The following SYNE1 variants were observed in gnomAD, a reference collection of about 807,000 sequenced individuals.
The protein encoded by SYNE1 is spectrin repeat containing nuclear envelope protein 1, also known as nesprin-1.
A neutral mutation model predicts 1,111.0 loss-of-function variants in SYNE1; 616 were observed. The observed-to-expected ratio is 0.55, with a 90% CI of 0.52 to 0.59. SYNE1 has a LOEUF of 0.59. Among genes scored for constraint, SYNE1 ranks in the 20% least tolerant of loss-of-function variants. The pLI, the probability that SYNE1 is intolerant of heterozygous loss-of-function variation, is 0.00. For missense variants in SYNE1, 10,006 were observed against 10,417.0 expected (o/e 0.96, Z 1.72); for synonymous variants, 3,855 against 3,825.8 (o/e 1.01, Z -0.28).
chr6:152,315,234 C>T (rs1322596059), intron 87 of SYNE1: 1 of 124,396 alleles, frequency 8.0e-6, no homozygotes, highest in African/African-American at 3.0e-5. Context: ...GATGGAGTCT[C>T]ACTGTCACCC....
At chr6:152,528,469 A>G (rs982045262) in intron 4 of SYNE1, among the ~76,000 whole-genome samples, 3 of 152,264 alleles carry the variant, frequency 2.0e-5, no homozygotes, top group Admixed American at 1.3e-4. Context: ...GACCTTTACT[A>G]TGATGACTAC....
intron 104 of SYNE1, 61 bp from the exon 105 acceptor site, chr6:152,249,323 A>G: frequency 1.1e-6 from 1 of 918,012 alleles, no homozygotes. Context: ...AATACTTGTA[A>G]ATATAACACA....
At chr6:152,493,283 C>T (rs975298911) in intron 11 of SYNE1, among the ~76,000 whole-genome samples, 2 of 152,014 alleles carry the variant, frequency 1.3e-5, no homozygotes, top group Admixed American at 6.5e-5. Context: ...CTATCCACCC[C>T]GTGGTGCCAA....
In SYNE1 at chr6:152,390,389, G is replaced by A. The variant is rs1424284351; in HGVS notation, c.8068C>T (p.Gln2690Ter). 1.2e-6 allele frequency: 2 copies of A among 1,613,986 alleles called. No individual in the cohort carries two copies. Among genetic ancestry groups the A allele is most frequent in the Non-Finnish European group, 1.7e-6 (2 of 1,180,010 alleles). Residue 2690 changes from glutamine to a stop codon, truncating the protein, a stop_gained, in exon 53 of 146, where the codon CAG (glutamine) becomes TAG (stop). Coordinates refer to ENST00000367255, the MANE Select transcript of SYNE1 (RefSeq NM_182961.4). LOFTEE classifies it high-confidence loss of function. ...TCTTTGTTGCTACTTCTCAAGGCCTGTTCCCCCTTGCCAATGGCCATATTC... is the reference window on the plus strand; with the variant it reads ...TCTTTGTTGCTACTTCTCAAGGCCTATTCCCCCTTGCCAATGGCCATATTC... ...KLNMAIGKGE[Q>*]ALRSSNKEGQ...
chr6:152,381,449 T>A, intron 55 of SYNE1, 87 bp from the exon 56 acceptor site: 1 of 1,390,590 alleles, frequency 7.2e-7, no homozygotes, highest in Non-Finnish European at 1.0e-6. Flanking sequence ...GGGGACCCTG[T>A]CCTGCCAGGA....
At chr6:152,379,442 T>C (rs775445475) in intron 56 of SYNE1, among the ~76,000 whole-genome samples, 23 of 152,164 alleles carry the variant, frequency 1.5e-4, no homozygotes, top group Non-Finnish European at 3.1e-4. Context: ...TTGAGTATTG[T>C]CATCTAATTG....
At chr6:152,129,570 C>G (rs2054765766) in intron 145 of SYNE1, 1 of 145,598 alleles carries the variant, frequency 6.9e-6, no homozygotes. Context: ...AAAAAAAAAA[C>G]TCATAAAATT....
chr6:152,621,905 C>T (rs1262081844), intron 3 of SYNE1, among the ~76,000 whole-genome samples: 2 of 152,004 alleles, frequency 1.3e-5, no homozygotes, highest in African/African-American at 2.4e-5. Context: ...AAAAACCACT[C>T]GATTAAAACA....
At chr6:152,379,403 T>C (rs2097355989) in intron 56 of SYNE1, among the ~76,000 whole-genome samples, 1 of 152,110 alleles carries the variant, frequency 6.6e-6, no homozygotes. Flanking sequence ...ACTTTATAGA[T>C]CATCTGTTTT....
intron 6 of SYNE1, among the ~76,000 whole-genome samples, chr6:152,513,495 G>A (rs145383262): frequency 0.049 from 7,462 of 152,034 alleles, 245 homozygotes; most frequent in Non-Finnish European, 0.067. Flanking sequence ...CACCACACCC[G>A]GCTAATTTTT....
Position 152,148,270 on chromosome 6 carries a change from G to A in SYNE1, c.24751C>T (p.Pro8251Ser), listed in dbSNP as rs1398442733. The change falls in exon 137 of 146, where the codon CCA (proline) becomes TCA (serine). Residue 8251 changes from proline (P) to serine (S), a missense_variant. Around this residue, in one of 7 missense-constraint regions of SYNE1, gnomAD observed 761 missense variants for 795.5 expected, o/e 0.96. Coordinates refer to ENST00000367255, the MANE Select transcript of SYNE1 (RefSeq NM_182961.4). The surrounding 1 kb of genome is among the most constrained non-coding windows in gnomAD (Gnocchi z 4.1). Reference protein sequence around the residue: ...HDRSADSLLSPQPSSNLSLSL... With the variant: ...HDRSADSLLSSQPSSNLSLSL... Reference sequence around the variant, plus strand: ...AGGGAGAGATTGGAGGAAGGCTGTGGAGAAAGCAGGCTGTCTGCAGAGCGG... The same window carrying A: ...AGGGAGAGATTGGAGGAAGGCTGTGAAGAAAGCAGGCTGTCTGCAGAGCGG... 1 of 1,613,532 alleles carries A rather than the reference G, an allele frequency of 6.2e-7. No homozygotes were observed. Among genetic ancestry groups the A allele is most frequent in the East Asian group, 2.2e-5 (1 of 44,874 alleles).
intron 130 of SYNE1, among the ~76,000 whole-genome samples, chr6:152,171,080 G>A (rs1262863273): frequency 2.0e-5 from 3 of 152,182 alleles, no homozygotes; most frequent in African/African-American, 7.2e-5. Context: ...GGAACTGTGA[G>A]TCCATTAAAC....
chr6:152,484,848 C>T lies in SYNE1; in HGVS notation c.1172G>A (p.Arg391Lys). 6.2e-7 allele frequency: 1 copy of T among 1,613,946 alleles called. No homozygotes were observed. Among genetic ancestry groups the T allele is most frequent in the Non-Finnish European group, 8.5e-7 (1 of 1,179,946 alleles). The change falls in exon 13 of 146, where the codon AGA (arginine) becomes AAA (lysine). Residue 391 changes from arginine (R) to lysine (K), a missense_variant. By Grantham distance (26) the Arg-to-Lys change is conservative (BLOSUM62 2). Around this residue, in one of 7 missense-constraint regions of SYNE1, gnomAD observed 1,971 missense variants for 2,084.1 expected, o/e 0.95. Transcript: ENST00000367255. ...DQALVKQSWD[R>K]VTSRLFDWHI... ...GGGAGAACTTACCCTGGAGGTCACT[C>T]TATCCCAAGATTGTTTTACCAATGC...
chr6:152,218,271 T>A lies in SYNE1; in HGVS notation c.22177A>T (p.Met7393Leu). Residue 7393 changes from methionine (M) to leucine (L), a missense_variant, in exon 121 of 146, where the codon ATG (methionine) becomes TTG (leucine). Around this residue, in one of 7 missense-constraint regions of SYNE1, gnomAD observed 2,182 missense variants for 2,287.8 expected, o/e 0.95. Coordinates refer to ENST00000367255, the MANE Select transcript of SYNE1 (RefSeq NM_182961.4). ...AACACACTTACCTTAAGTTCTTCCA[T>A]CCTTTCCTGGATTGTGGAGAGGTCA... is the stretch of plus-strand genomic sequence containing the variant. The part of the protein sequence containing the change: ...SSDLSTIQER[M>L]EELKGQMLKF... 3 of 1,614,112 alleles carry A rather than the reference T, an allele frequency of 1.9e-6. No individual in the cohort carries two copies. The highest frequency in any genetic ancestry group is 2.5e-6 in the Non-Finnish European group (3 of 1,179,986).
Position 152,329,928 on chromosome 6 carries a change from G to A in SYNE1, c.14757C>T (p.Asp4919=), listed in dbSNP as rs1387323639. The A allele has an allele frequency of 6.2e-7, 1 of 1,614,022 alleles. No individual in the cohort carries two copies. The highest frequency in any genetic ancestry group is 1.1e-5 in the South Asian group (1 of 91,086). Residue 4919 remains aspartate (D), a synonymous_variant, in exon 78 of 146, where the codon GAC becomes GAT. Coordinates refer to ENST00000367255, the MANE Select transcript of SYNE1 (RefSeq NM_182961.4). ...GGATTTTTCTGATTTCCTCTTGGAT[G>A]TCCTGCAGGTTGAGGTCTAGGTACA... ...GPVYLDLNLQ[D]IQEEIRKIQI... is the part of the protein sequence containing the mutation.
chr6:152,250,200 G>A (rs2153596149), intron 104 of SYNE1, among the ~76,000 whole-genome samples: 1 of 151,820 alleles, frequency 6.6e-6, no homozygotes, highest in East Asian at 1.9e-4. Context: ...GGAGTTTGAG[G>A]TTGAAGTGAG....
intron 117 of SYNE1, among the ~76,000 whole-genome samples, chr6:152,223,059 C>T (rs772955059): frequency 5.5e-4 from 83 of 152,124 alleles, no homozygotes; most frequent in Non-Finnish European, 5.3e-4. Flanking sequence ...CTGTTTAACA[C>T]CAATATCTGA....
At chr6:152,228,291 A>G (rs1173209098) in intron 115 of SYNE1, among the ~76,000 whole-genome samples, 3 of 152,188 alleles carry the variant, frequency 2.0e-5, no homozygotes, top group Non-Finnish European at 4.4e-5. Context: ...TTCATTTGAA[A>G]TCATGAACCG....
At chr6:152,251,533 C>T (rs1243926225) in intron 104 of SYNE1, among the ~76,000 whole-genome samples, 13 of 151,526 alleles carry the variant, frequency 8.6e-5, no homozygotes, top group Non-Finnish European at 1.3e-4. Flanking sequence ...CCGAGGCGGG[C>T]GGATCACGAG....
Sources: gnomAD v4.1 joint callset for allele counts (sites outside exome capture counted in the v4.1 genomes callset) on GRCh38, gnomAD v4.1.1 for gene constraint, gnomAD v4.1.1 regional missense constraint, Gnocchi (gnomAD v3.1) non-coding constraint, MANE v1.5 for transcripts, NCBI Gene and HGNC (gene_info 2026-07-23, HGNC 2026-07-21) for gene names.